Variants in ANK1 observed in about 807,000 individuals in gnomAD.
The protein encoded by ANK1 is ankyrin-1.
A neutral mutation model predicts 210.4 loss-of-function variants in ANK1; 51 were observed. The observed-to-expected ratio is 0.24, with a 90% CI of 0.19 to 0.31. The LOEUF (loss-of-function observed/expected upper bound fraction) is 0.31. Ranked by LOEUF, ANK1 falls within the 10% of genes least tolerant of loss-of-function variation. The pLI is 1.00. For synonymous variants in ANK1, 967 were observed against 1,025.9 expected (o/e 0.94, Z 1.10); for missense variants, 2,051 against 2,504.4 (o/e 0.82, Z 3.86).
chr8:41,875,898 T>C (rs888739796), intron 1 of ANK1, among the ~76,000 whole-genome samples: 7 of 152,106 alleles, frequency 4.6e-5, no homozygotes, highest in Non-Finnish European at 8.8e-5. Context: ...CACACCCACT[T>C]TGCCTTCATT....
At chr8:41,832,061 G>A (rs985744894) in intron 1 of ANK1, among the ~76,000 whole-genome samples, 3 of 152,182 alleles carry the variant, frequency 2.0e-5, no homozygotes, top group Admixed American at 6.5e-5. Flanking sequence ...AGAATTTTGC[G>A]GGGCGATGGA....
At chr8:41,840,394 A>G (rs546163334) in intron 1 of ANK1, 5 of 152,336 alleles carry the variant, frequency 3.3e-5, no homozygotes, top group African/African-American at 9.6e-5. Flanking sequence ...TAATGATACT[A>G]CTTAATTTTG....
At position 41,694,626 on chromosome 8, in the gene ANK1, T is replaced by C. The variant is rs1318127936; in HGVS notation, c.3293A>G (p.Asn1098Ser). 6.2e-7 allele frequency: 1 copy of C among 1,613,856 alleles called. No individual in the cohort carries two copies. The highest frequency in any genetic ancestry group is 8.5e-7 in the Non-Finnish European group (1 of 1,180,018). The change falls in exon 28 of 43, where the codon AAT becomes AGT. Residue 1098 changes from asparagine to serine, a missense_variant. Asn to Ser is a conservative substitution (Grantham distance 46). This residue lies in a region of ANK1 where 1,413 missense variants were observed against 1,707.4 expected (regional missense o/e 0.83). Transcript: ENST00000289734. The surrounding 1 kb of genome is among the most constrained non-coding windows in gnomAD (Gnocchi z 5.7). ...CAGCTTCACTCTCTTGGTGACGGCA[T>C]TCTCCGGGAACGTTGCCTGTACCAG... is the stretch of plus-strand genomic sequence containing the variant. ...VPLVQATFPE[N>S]AVTKRVKLAL...
intron 39 of ANK1, chr8:41,664,987 C>T: frequency 6.2e-7 from 1 of 1,614,146 alleles, no homozygotes; most frequent in Non-Finnish European, 8.5e-7. Flanking sequence ...CTCAGCAGCA[C>T]CAGCGTGACC....
intron 1 of ANK1, among the ~76,000 whole-genome samples, chr8:41,786,000 C>G (rs942255371): frequency 1.1e-4 from 16 of 152,230 alleles, no homozygotes; most frequent in Non-Finnish European, 4.4e-5. Context: ...GTGCCCCTTA[C>G]AGCCAACTTA....
Position 41,727,971 on chromosome 8 carries a change from G to C in ANK1, c.264C>G (p.Ala88=). 1 of 1,614,162 alleles carries C rather than the reference G, an allele frequency of 6.2e-7. No individual in the cohort carries two copies. The highest frequency in any genetic ancestry group is 8.5e-7 in the Non-Finnish European group (1 of 1,180,034). The change falls in exon 4 of 43, where the codon GCC becomes GCG. Residue 88 remains alanine (A), a synonymous_variant. Coordinates refer to ENST00000289734, the MANE Select transcript of ANK1 (RefSeq NM_000037.4). ...GCTCCCGGACCACCTCATCCTGCCC[G>C]GCTAGAGCAGCGATGTGCAGGGCCG... ...GNTALHIAAL[A]GQDEVVRELV... is the part of the protein sequence containing the mutation.
At chr8:41,856,050 T>C (rs1812122797) in intron 1 of ANK1, among the ~76,000 whole-genome samples, 2 of 152,180 alleles carry the variant, frequency 1.3e-5, no homozygotes, top group Non-Finnish European at 1.5e-5. Context: ...CAGAAGTCCA[T>C]GGATGAAATT....
chr8:41,680,927 T>G (rs1331617876), intron 37 of ANK1, among the ~76,000 whole-genome samples: 1 of 152,194 alleles, frequency 6.6e-6, no homozygotes, highest in African/African-American at 2.4e-5. Context: ...CCACCACACC[T>G]GGGTCACCAG....
rs73626634 is a variant in ANK1, at chr8:41,852,906, G to C, written c.126+43449C>G. ...TCTGCCACGTTTGACCTAGCTTGAG[G>C]ACATGTCCCCCAGAGTTTAGCCTGA... On this transcript the variant is annotated intron_variant, in intron 1 of 42. Transcript: ENST00000265709. Among the ~76,000 whole-genome samples the C allele has an allele frequency of 4.4e-3, 674 of 152,324 alleles. 4 individuals carry two copies. The highest frequency in any genetic ancestry group is 0.015 in the African/African-American group (644 of 41,560).
intron 39 of ANK1, among the ~76,000 whole-genome samples, chr8:41,667,385 C>T (rs1810911121): frequency 6.6e-6 from 1 of 152,186 alleles, no homozygotes; most frequent in South Asian, 2.1e-4. Context: ...AGAGACAGAA[C>T]ATGTCGTTCA....
intron 1 of ANK1, among the ~76,000 whole-genome samples, chr8:41,868,913 C>T (rs953004000): frequency 5.9e-5 from 9 of 152,228 alleles, no homozygotes; most frequent in East Asian, 1.9e-4. Flanking sequence ...GAGGCTCAGA[C>T]GGGGAGAAGG....
At chr8:41,871,092 A>G (rs1483599276) in intron 1 of ANK1, among the ~76,000 whole-genome samples, 2 of 152,034 alleles carry the variant, frequency 1.3e-5, no homozygotes, top group Non-Finnish European at 2.9e-5. Context: ...CTTTGACTCT[A>G]AGAGGCCTCT....
intron 1 of ANK1, among the ~76,000 whole-genome samples, chr8:41,892,255 C>T (rs1305019856): frequency 6.6e-6 from 1 of 151,836 alleles, no homozygotes. Flanking sequence ...CCCCAAATCT[C>T]CCCTGTGATT....
intron 1 of ANK1, among the ~76,000 whole-genome samples, chr8:41,870,915 C>T (rs569961891): frequency 5.3e-4 from 80 of 152,266 alleles, no homozygotes; most frequent in African/African-American, 1.9e-3. Context: ...GAGCTGCTCC[C>T]CACCCCTCCT....
At chr8:41,800,199 C>A (rs1849642700), upstream of ANK1, among the ~76,000 whole-genome samples, 1 of 152,222 alleles carries the variant, frequency 6.6e-6, no homozygotes, top group Non-Finnish European at 1.5e-5. Flanking sequence ...AGCCCCCACC[C>A]TTTGTTTAAC....
At chr8:41,690,841 A>G (rs1466708805) in intron 31 of ANK1, among the ~76,000 whole-genome samples, 1 of 152,254 alleles carries the variant, frequency 6.6e-6, no homozygotes, top group East Asian at 1.9e-4. Flanking sequence ...AATATCCCTG[A>G]GATGTTGATG....
At chr8:41,731,631 A>G (rs1832198254) in intron 3 of ANK1, among the ~76,000 whole-genome samples, 1 of 150,944 alleles carries the variant, frequency 6.6e-6, no homozygotes, top group Non-Finnish European at 1.5e-5. Context: ...ACAGTCCCCA[A>G]TCTGTTGTGA....
intron 1 of ANK1, among the ~76,000 whole-genome samples, chr8:41,770,924 C>A (rs1464843791): frequency 6.6e-6 from 1 of 152,242 alleles, no homozygotes; most frequent in Non-Finnish European, 1.5e-5. Context: ...GCCACCAGGA[C>A]TGAATTCTAA....
chr8:41,742,281 C>T (rs758529821), intron 2 of ANK1, among the ~76,000 whole-genome samples: 11 of 152,144 alleles, frequency 7.2e-5, no homozygotes, highest in Non-Finnish European at 1.0e-4. Context: ...ACAGGAGACA[C>T]GGGGAATTTA....
Sources: gnomAD v4.1 joint callset for allele counts (sites outside exome capture counted in the v4.1 genomes callset) on GRCh38, gnomAD v4.1.1 for gene constraint, gnomAD v4.1.1 regional missense constraint, Gnocchi (gnomAD v3.1) non-coding constraint, MANE v1.5 for transcripts, NCBI Gene and HGNC (gene_info 2026-07-23, HGNC 2026-07-21) for gene names.